The following GSE1 variants were observed in gnomAD, a reference collection of about 807,000 sequenced individuals.
GSE1 encodes the protein Gse1 coiled-coil protein, also known as genetic suppressor element 1.
A neutral mutation model predicts 112.6 loss-of-function variants in GSE1; 32 were observed. That is an observed-to-expected ratio of 0.28 (90% confidence interval 0.21 to 0.38). The LOEUF is 0.38. GSE1 is among the 10% of genes least tolerant of loss of function. GSE1 has a pLI of 1.00. For missense variants in GSE1, 2,348 were observed against 1,699.2 expected (o/e 1.38, Z -6.71); for synonymous variants, 1,115 against 735.6 (o/e 1.52, Z -8.35).
intron 1 of GSE1, among the ~76,000 whole-genome samples, chr16:85,238,620 C>G (rs76558611): frequency 2.0e-5 from 3 of 152,182 alleles, no homozygotes; most frequent in African/African-American, 4.8e-5. Context: ...CTTGGAGGAG[C>G]CAGGCAGGGT....
chr16:85,626,523 A>AT (rs1448051102), intron 1 of GSE1, among the ~76,000 whole-genome samples: 1 of 152,230 alleles, frequency 6.6e-6, no homozygotes, highest in Non-Finnish European at 1.5e-5. Context: ...AAGAGGGGTG[A>AT]TTAGAGAATC....
chr16:85,667,989 A>T, intron 13 of GSE1, 151 bp from the exon 14 acceptor site: 1 of 544,426 alleles, frequency 1.8e-6, no homozygotes, highest in Non-Finnish European at 3.2e-6. Flanking sequence ...GCCTTGGGCT[A>T]GGTCCCTCCT....
chr16:85,478,645 G>A (rs113547065), intron 2 of GSE1, among the ~76,000 whole-genome samples: 29 of 151,510 alleles, frequency 1.9e-4, no homozygotes, highest in Non-Finnish European at 4.0e-4. Flanking sequence ...TGGCATGAAC[G>A]TTCTTGCATA....
intron 2 of GSE1, among the ~76,000 whole-genome samples, chr16:85,534,299 T>C (rs2044247859): frequency 6.6e-6 from 1 of 151,994 alleles, no homozygotes; most frequent in Non-Finnish European, 1.5e-5. Context: ...TTTTTGTATT[T>C]TTAGTAGAGA....
chr16:85,629,579 G>T (rs79908062), intron 1 of GSE1, among the ~76,000 whole-genome samples: 2,558 of 152,336 alleles, frequency 0.017, 76 homozygotes, highest in African/African-American at 0.059. Flanking sequence ...TCTCAGCCCT[G>T]CTCTGCACTG....
At chr16:85,175,451 G>A (rs1465002379) in intron 1 of GSE1, among the ~76,000 whole-genome samples, 4 of 152,224 alleles carry the variant, frequency 2.6e-5, no homozygotes, top group South Asian at 2.1e-4. Flanking sequence ...GCTGGGAGTC[G>A]GCTGTGTGAT....
At chr16:85,479,273 C>G (rs2050599639) in intron 2 of GSE1, among the ~76,000 whole-genome samples, 1 of 144,492 alleles carries the variant, frequency 6.9e-6, no homozygotes, top group South Asian at 2.2e-4. Flanking sequence ...ACCCCGTGAT[C>G]CACCCACCTC....
At chr16:85,382,973 G>A (rs533029589) in intron 2 of GSE1, among the ~76,000 whole-genome samples, 6 of 144,370 alleles carry the variant, frequency 4.2e-5, no homozygotes, top group Non-Finnish European at 6.0e-5. Flanking sequence ...ACACATGCAC[G>A]CTCACACGCA....
intron 1 of GSE1, among the ~76,000 whole-genome samples, chr16:85,202,483 C>T (rs942071176): frequency 5.9e-5 from 9 of 152,180 alleles, no homozygotes; most frequent in Non-Finnish European, 1.3e-4. Context: ...TTGCTGGTCT[C>T]AAACTCCTGG....
chr16:85,295,744 C>T (rs1357346964), intron 1 of GSE1, among the ~76,000 whole-genome samples: 1 of 151,736 alleles, frequency 6.6e-6, no homozygotes, highest in Non-Finnish European at 1.5e-5. Context: ...TCCTTTTTCC[C>T]ATGGACAACT....
At chr16:85,256,931 G>A (rs1367669042) in intron 1 of GSE1, among the ~76,000 whole-genome samples, 1 of 152,220 alleles carries the variant, frequency 6.6e-6, no homozygotes, top group Non-Finnish European at 1.5e-5. Flanking sequence ...GGTCTCCACT[G>A]CATTGAGCAA....
At chr16:85,253,059 CCCCCCCCCCA>C (rs1906664736) in intron 1 of GSE1, among the ~76,000 whole-genome samples, 1 of 31,564 alleles carries the variant, frequency 3.2e-5, no homozygotes, top group Non-Finnish European at 6.5e-5. Flanking sequence ...GGCGCCCCCG[CCCCCCCCCCA>C]CCCCCCCCCC....
At chr16:85,478,457 G>GC (rs2050531429) in intron 2 of GSE1, among the ~76,000 whole-genome samples, 1 of 151,260 alleles carries the variant, frequency 6.6e-6, no homozygotes, top group South Asian at 2.1e-4. Flanking sequence ...AATGTGGGAG[G>GC]CAGAGGTTGC....
At position 85,542,691 on chromosome 16, in the gene GSE1, T is replaced by C. The variant is rs182799898; in HGVS notation, c.2465-91223T>C. On this transcript the variant is annotated intron_variant, in intron 2 of 2. Transcript: ENST00000637419. ...TCAGCACAAGCTAGCGTTTGCTGTA[T>C]GAGACTGATGGTCGTGAAGCCCGGG... Among the ~76,000 whole-genome samples, 402 of 152,338 alleles carry C rather than the reference T, an allele frequency of 2.6e-3. 2 individuals carry two copies. The highest frequency in any genetic ancestry group is 0.01 in the Middle Eastern group (3 of 294).
chr16:85,563,745 G>T (rs2151297183), intron 1 of GSE1, among the ~76,000 whole-genome samples: 1 of 152,362 alleles, frequency 6.6e-6, no homozygotes, highest in African/African-American at 2.4e-5. Context: ...GGGTCAGGAA[G>T]TCACGGAACA....
At chr16:85,187,884 G>A (rs2074739759) in intron 1 of GSE1, among the ~76,000 whole-genome samples, 1 of 152,208 alleles carries the variant, frequency 6.6e-6, no homozygotes, top group Non-Finnish European at 1.5e-5. Context: ...GGTAGCTGAG[G>A]CCCCACTCAA....
intron 1 of GSE1, among the ~76,000 whole-genome samples, chr16:85,581,169 C>G (rs1334255122): frequency 6.6e-6 from 1 of 152,216 alleles, no homozygotes; most frequent in Non-Finnish European, 1.5e-5. Context: ...GCTCCTCTCT[C>G]CGCAGCAGCT....
chr16:85,672,384 C>T lies in GSE1; in HGVS notation c.3520-21C>T, dbSNP rs773443299. ...TACAGAGGAAACGGGTTGGTTTTGA[C>T]ACAAATTTCCCTCTCTCCAGGAGTT... is the stretch of plus-strand genomic sequence containing the variant. On this transcript the variant is annotated intron_variant, in intron 15 of 15. Coordinates refer to ENST00000253458, the MANE Select transcript of GSE1 (RefSeq NM_014615.5). The T allele has an allele frequency of 9.4e-6, 15 of 1,599,048 alleles. No individual in the cohort carries two copies. In the African/African-American group the frequency reaches 1.3e-4, roughly 14 times the overall value.
intron 2 of GSE1, among the ~76,000 whole-genome samples, chr16:85,467,209 G>C (rs77735353): frequency 6.6e-6 from 1 of 152,202 alleles, no homozygotes; most frequent in Admixed American, 6.5e-5. Context: ...CATAAGGAGC[G>C]AGGGGCCGGA....
Sources: gnomAD v4.1 joint callset for allele counts (sites outside exome capture counted in the v4.1 genomes callset) on GRCh38, gnomAD v4.1.1 for gene constraint, MANE v1.5 for transcripts, NCBI Gene and HGNC (gene_info 2026-07-23, HGNC 2026-07-21) for gene names.